SGCZ: variants seen among roughly 807,000 people sequenced by gnomAD.
SGCZ encodes zeta-sarcoglycan.
In SGCZ, 40 loss-of-function variants were observed where a neutral mutation model predicts 41.3. The ratio of observed to expected loss-of-function variants is 0.97; its 90% CI spans 0.75 to 1.26. SGCZ has a LOEUF of 1.26. Ranked by LOEUF, SGCZ falls within the 50% of genes most tolerant of loss-of-function variation. SGCZ has a pLI of 0.00. For synonymous variants in SGCZ, 206 were observed against 137.5 expected, an observed-to-expected ratio of 1.50 and a Z score of -3.49; for missense variants, 552 against 369.8, an observed-to-expected ratio of 1.49 and a Z score of -4.04.
intron 2 of SGCZ, among the ~76,000 whole-genome samples, chr8:14,438,462 C>T (rs1800153977): frequency 6.6e-6 from 1 of 151,754 alleles, no homozygotes; most frequent in African/African-American, 2.4e-5. Context: ...AATATTATGC[C>T]TTACTAACTG....
rs537047584 is a variant in SGCZ at position 14,663,529 on chromosome 8, C to G, written c.40-108603G>C. On this transcript the variant is annotated intron_variant, in intron 1 of 7. Transcript: ENST00000382080. The stretch of plus-strand genomic sequence containing the variant: ...TGTCTAACCTCTCTGTGCATGCCTC[C>G]TATCTGTAAATGAAAATAATAAGGG... 3.3e-5 allele frequency among the ~76,000 whole-genome samples: 5 copies of G among 152,116 alleles called. No individual in the cohort carries two copies. In the South Asian group the frequency reaches 1.0e-3, roughly 32 times the overall value.
chr8:14,400,234 T>C (rs1407179977), intron 2 of SGCZ, among the ~76,000 whole-genome samples: 3 of 152,156 alleles, frequency 2.0e-5, no homozygotes, highest in Non-Finnish European at 4.4e-5. Context: ...TCATTATTTA[T>C]ATAGCAGATT....
intron 5 of SGCZ, among the ~76,000 whole-genome samples, chr8:14,143,606 A>T (rs1318793548): frequency 6.6e-6 from 1 of 152,210 alleles, no homozygotes; most frequent in Non-Finnish European, 1.5e-5. Context: ...TCCACCAATC[A>T]TCCCCTACTG....
rs116514210 is a variant in SGCZ at position 14,863,378 on chromosome 8, G to A, written c.40-308452C>T. ...TTCTCTCTGTCACCCAGGCTGGAGTGTAGTGACACTATCATAGCTCACTGC... is the reference window on the plus strand; with the variant it reads ...TTCTCTCTGTCACCCAGGCTGGAGTATAGTGACACTATCATAGCTCACTGC... On this transcript the variant is annotated intron_variant, in intron 1 of 7. Transcript: ENST00000382080. 6.1e-3 allele frequency among the ~76,000 whole-genome samples: 933 copies of A among 152,202 alleles called. 6 individuals carry two copies. The highest frequency in any genetic ancestry group is 0.021 in the African/African-American group (871 of 41,522).
At chr8:14,767,952 C>T (rs1442494935) in intron 1 of SGCZ, among the ~76,000 whole-genome samples, 1 of 152,164 alleles carries the variant, frequency 6.6e-6, no homozygotes, top group Non-Finnish European at 1.5e-5. Flanking sequence ...GCAACAGAAT[C>T]TTGAGTAAGA....
chr8:14,396,332 C>A (rs543357897), intron 2 of SGCZ, among the ~76,000 whole-genome samples: 26 of 148,146 alleles, frequency 1.8e-4, no homozygotes, highest in Non-Finnish European at 2.8e-4. Flanking sequence ...GTTCTAACTT[C>A]TTATTGCCAC....
intron 1 of SGCZ, among the ~76,000 whole-genome samples, chr8:15,120,553 G>C (rs1413515669): frequency 6.6e-6 from 1 of 152,058 alleles, no homozygotes; most frequent in Non-Finnish European, 1.5e-5. Flanking sequence ...CAATTTACCA[G>C]ACGTTACAGT....
At chr8:14,608,852 A>G (rs1317439131) in intron 1 of SGCZ, among the ~76,000 whole-genome samples, 2 of 152,146 alleles carry the variant, frequency 1.3e-5, no homozygotes, top group Admixed American at 1.3e-4. Flanking sequence ...TTGAAAAAAA[A>G]TGACAAAAAA....
At chr8:14,540,264 T>C (rs915680696) in intron 2 of SGCZ, among the ~76,000 whole-genome samples, 3 of 149,790 alleles carry the variant, frequency 2.0e-5, no homozygotes, top group African/African-American at 7.3e-5. Context: ...TTTCTGTCTT[T>C]TTGTTAGGTT....
At chr8:15,200,712 T>G (rs1800863265) in intron 1 of SGCZ, among the ~76,000 whole-genome samples, 1 of 152,180 alleles carries the variant, frequency 6.6e-6, no homozygotes, top group South Asian at 2.1e-4. Flanking sequence ...ATGCAAGTTC[T>G]CTTGATAATA....
chr8:14,359,829 A>C (rs28780745), intron 2 of SGCZ, among the ~76,000 whole-genome samples: 128 of 151,590 alleles, frequency 8.4e-4, no homozygotes, highest in African/African-American at 2.8e-3. Context: ...AAAAAAAAAA[A>C]CAAATATCCC....
Position 14,085,004 on chromosome 8 carries a change from A to T in SGCZ, c.*5439T>A, listed in dbSNP as rs1350297635. Among the ~76,000 whole-genome samples the T allele has an allele frequency of 6.6e-6, 1 of 151,768 alleles. No homozygotes were observed. The highest frequency in any genetic ancestry group is 2.4e-5 in the African/African-American group (1 of 41,390). On this transcript the variant is annotated 3_prime_UTR_variant, in exon 8 of 8. Transcript: ENST00000382080. ...CATTTCAGAGAAAAAAAGGTTTCCAATTGCCAAAACTTTGCTGCATTTTCT... is the reference window on the plus strand; with the variant it reads ...CATTTCAGAGAAAAAAAGGTTTCCATTTGCCAAAACTTTGCTGCATTTTCT...
intron 6 of SGCZ, among the ~76,000 whole-genome samples, chr8:14,103,398 T>G (rs919630525): frequency 6.6e-6 from 1 of 152,176 alleles, no homozygotes; most frequent in African/African-American, 2.4e-5. Flanking sequence ...TGCACCTGCC[T>G]GTGATCGCCC....
At chr8:14,465,530 T>C (rs966481048) in intron 2 of SGCZ, among the ~76,000 whole-genome samples, 8 of 151,796 alleles carry the variant, frequency 5.3e-5, no homozygotes, top group Admixed American at 1.3e-4. Flanking sequence ...AATTTCTAAC[T>C]TCTGTGATTT....
chr8:14,355,842 C>T lies in SGCZ; in HGVS notation c.235-31638G>A, dbSNP rs558824957. ...AACAGCAAATTCCCTGGTCTAGTGT[C>T]AGATCTTCTATATTTTGACATCTAA... On this transcript the variant is annotated intron_variant, in intron 2 of 7. Coordinates refer to ENST00000382080, the MANE Select transcript of SGCZ (RefSeq NM_139167.4). 4.7e-4 allele frequency among the ~76,000 whole-genome samples: 72 copies of T among 152,218 alleles called. No homozygotes were observed. In the Middle Eastern group the frequency reaches 0.01, roughly 22 times the overall value.
chr8:14,255,737 C>A (rs1036406321), intron 3 of SGCZ, among the ~76,000 whole-genome samples: 4 of 151,866 alleles, frequency 2.6e-5, no homozygotes, highest in Non-Finnish European at 5.9e-5. Flanking sequence ...ATATATGCTA[C>A]CTTTGCAGTA....
chr8:14,711,437 A>T (rs111496147), intron 1 of SGCZ, among the ~76,000 whole-genome samples: 3 of 35,034 alleles, frequency 8.6e-5, no homozygotes, highest in Middle Eastern at 0.017. Context: ...TAAAAATACA[A>T]AAAAAAAAAA....
In SGCZ at chr8:14,920,632, A is replaced by G. The variant is rs528496919; in HGVS notation, c.39+316953T>C. On this transcript the variant is annotated intron_variant, in intron 1 of 7. Transcript: ENST00000382080. ...AGATATCATAGAGGAGGCTATTAACATGCCTAAGCCATATAAACTAAATAA... is the reference window on the plus strand; with the variant it reads ...AGATATCATAGAGGAGGCTATTAACGTGCCTAAGCCATATAAACTAAATAA... Among the ~76,000 whole-genome samples the G allele has an allele frequency of 3.3e-5, 5 of 152,322 alleles. No homozygotes were observed. The East Asian group carries it at 9.6e-4, about 29-fold the overall frequency.
chr8:14,354,112 A>C (rs1268119545), intron 2 of SGCZ, among the ~76,000 whole-genome samples: 1 of 152,038 alleles, frequency 6.6e-6, no homozygotes, highest in South Asian at 2.1e-4. Flanking sequence ...AGTGTTCTAC[A>C]TCTGCTTATA....
Sources: gnomAD v4.1 joint callset for allele counts (sites outside exome capture counted in the v4.1 genomes callset) on GRCh38, gnomAD v4.1.1 for gene constraint, MANE v1.5 for transcripts, NCBI Gene and HGNC (gene_info 2026-07-23, HGNC 2026-07-21) for gene names.